HPCAL1: variants seen among roughly 807,000 people sequenced by gnomAD.
HPCAL1 encodes hippocalcin like 1.
A neutral mutation model predicts 17.1 loss-of-function variants in HPCAL1; 8 were observed. The ratio of observed to expected loss-of-function variants is 0.47; its 90% CI spans 0.27 to 0.84. The LOEUF is 0.84. Among genes scored for constraint, HPCAL1 ranks in the 40% least tolerant of loss-of-function variants. The pLI, the probability that HPCAL1 is intolerant of heterozygous loss-of-function variation, is 0.13. For synonymous variants in HPCAL1, 112 were observed against 111.4 expected, an observed-to-expected ratio of 1.01 and a Z score of -0.03; for missense variants, 165 against 271.1, an observed-to-expected ratio of 0.61 and a Z score of 2.75.
chr2:10,397,685 G>A (rs1403256591), intron 2 of HPCAL1, among the ~76,000 whole-genome samples: 2 of 152,172 alleles, frequency 1.3e-5, no homozygotes, highest in South Asian at 2.1e-4. Flanking sequence ...AGCTAACTCC[G>A]TGAGCTCGGG....
chr2:10,349,275 CA>C (rs1381379499), intron 1 of HPCAL1, among the ~76,000 whole-genome samples: 1 of 152,012 alleles, frequency 6.6e-6, no homozygotes, highest in Non-Finnish European at 1.5e-5. Context: ...AAGAAGGAGA[CA>C]AAAAATAATA....
intron 1 of HPCAL1, among the ~76,000 whole-genome samples, chr2:10,334,083 G>A (rs563416068): frequency 6.6e-6 from 1 of 152,312 alleles, no homozygotes; most frequent in East Asian, 1.9e-4. Context: ...GTGACCAATA[G>A]CCACTCTGCG....
At chr2:10,328,797 C>T (rs1263223215) in intron 1 of HPCAL1, among the ~76,000 whole-genome samples, 1 of 152,046 alleles carries the variant, frequency 6.6e-6, no homozygotes, top group Non-Finnish European at 1.5e-5. Flanking sequence ...AGAACCCTGA[C>T]TAATACTTCC....
rs939221769 is a variant in HPCAL1, at chr2:10,359,680, A to G, written c.-110-37155A>G. 4.6e-5 allele frequency among the ~76,000 whole-genome samples: 7 copies of G among 152,156 alleles called. No individual in the cohort carries two copies. Among genetic ancestry groups the G allele is most frequent in the African/African-American group, 1.7e-4 (7 of 41,440 alleles). On this transcript the variant is annotated intron_variant, in intron 1 of 4. Transcript: ENST00000307845. The surrounding 1 kb of genome is among the most constrained non-coding windows in gnomAD (Gnocchi z 4.1). ...CTCAGTGGCTGGCGGTCCCACCTCC[A>G]AATGCAGGCAGACCACACTCCCTGA...
chr2:10,380,398 G>A (rs2125536345), intron 1 of HPCAL1, among the ~76,000 whole-genome samples: 1 of 152,250 alleles, frequency 6.6e-6, no homozygotes, highest in East Asian at 1.9e-4. Context: ...GGTGTGCGCT[G>A]CTTGTGTTGT....
At chr2:10,399,259 C>CCGCTG (rs1669303655) in intron 2 of HPCAL1, among the ~76,000 whole-genome samples, 1 of 66,880 alleles carries the variant, frequency 1.5e-5, no homozygotes, top group African/African-American at 5.1e-5. Flanking sequence ...ACCACCACCA[C>CCGCTG]CATCACCACC....
intron 1 of HPCAL1, among the ~76,000 whole-genome samples, chr2:10,383,233 G>A (rs999563134): frequency 3.9e-4 from 59 of 152,176 alleles, no homozygotes; most frequent in Non-Finnish European, 2.1e-4. Context: ...CTAGCCTGGC[G>A]TGGTGTCATG....
rs780522506 is a variant in HPCAL1 at position 10,330,807 on chromosome 2, C to T, written c.-111+27630C>T. 2.6e-5 allele frequency among the ~76,000 whole-genome samples: 4 copies of T among 152,214 alleles called. No homozygotes were observed. The highest frequency in any genetic ancestry group is 6.5e-5 in the Admixed American group (1 of 15,284). On this transcript the variant is annotated intron_variant, in intron 1 of 4. Transcript: ENST00000307845. This position sits in a 1 kb window ranked among gnomAD's most constrained non-coding sequence, Gnocchi z 4.2. ...TCCACGTTAACTCACTTCCTGCCCA[C>T]GGCAGGGGCTCTCTGTCAGTGTGTC...
Position 10,324,159 on chromosome 2 carries a change from C to T in HPCAL1, c.-111+20982C>T, listed in dbSNP as rs912626045. ...CCCAGACATTTCCTTATGTAAAAGC[C>T]AATTAAAATAAATTAAATGCAAATA... On this transcript the variant is annotated intron_variant, in intron 1 of 4. Coordinates refer to ENST00000307845, the MANE Select transcript of HPCAL1 (RefSeq NM_002149.4). 2.6e-5 allele frequency among the ~76,000 whole-genome samples: 4 copies of T among 152,200 alleles called. No individual in the cohort carries two copies. The East Asian group carries it at 7.7e-4, about 29-fold the overall frequency.
chr2:10,319,837 A>T (rs1296183385), intron 1 of HPCAL1, among the ~76,000 whole-genome samples: 3 of 151,952 alleles, frequency 2.0e-5, no homozygotes, highest in Admixed American at 1.3e-4. Context: ...ATCCTCAGGG[A>T]TTCGTTTCCC....
chr2:10,338,623 A>T (rs777853133), intron 1 of HPCAL1, among the ~76,000 whole-genome samples: 18 of 152,202 alleles, frequency 1.2e-4, no homozygotes, highest in Non-Finnish European at 2.5e-4. Flanking sequence ...GTATGAAGTC[A>T]GTAAGCCACA....
At position 10,395,189 on chromosome 2, in the gene HPCAL1, G is replaced by A. The variant is rs890094834; in HGVS notation, c.-110-1646G>A. On this transcript the variant is annotated intron_variant, in intron 1 of 4. Coordinates refer to ENST00000307845, the MANE Select transcript of HPCAL1 (RefSeq NM_002149.4). This position sits in a 1 kb window ranked among gnomAD's most constrained non-coding sequence, Gnocchi z 4.4. The stretch of plus-strand genomic sequence containing the variant: ...ATCTTAAAAGCATAGGGACCTTGCA[G>A]TGAGAATTTCTGGTGGGAAGATGTA... Among the ~76,000 whole-genome samples, 3 of 151,692 alleles carry A rather than the reference G, an allele frequency of 2.0e-5. No individual in the cohort carries two copies. The highest frequency in any genetic ancestry group is 4.4e-5 in the Non-Finnish European group (3 of 67,984).
At position 10,394,526 on chromosome 2, in the gene HPCAL1, C is replaced by G. The variant is rs4669582; in HGVS notation, c.-110-2309C>G. 5.5e-3 allele frequency among the ~76,000 whole-genome samples: 833 copies of G among 152,274 alleles called. 7 individuals are homozygous for G. Among genetic ancestry groups the G allele is most frequent in the African/African-American group, 0.019 (804 of 41,558 alleles). On this transcript the variant is annotated intron_variant, in intron 1 of 4. Coordinates refer to ENST00000307845, the MANE Select transcript of HPCAL1 (RefSeq NM_002149.4). The surrounding 1 kb of genome is among the most constrained non-coding windows in gnomAD (Gnocchi z 5.0). ...AGAGCACAGAGGGGCTTTAGGGCAGCGAGCCCGCGCTATGTGATGCTGTAA... is the reference window on the plus strand; with the variant it reads ...AGAGCACAGAGGGGCTTTAGGGCAGGGAGCCCGCGCTATGTGATGCTGTAA...
intron 1 of HPCAL1, among the ~76,000 whole-genome samples, chr2:10,392,435 A>G (rs1159452684): frequency 6.6e-6 from 1 of 152,118 alleles, no homozygotes; most frequent in African/African-American, 2.4e-5. Context: ...TACTAATTCA[A>G]TCTCTTCACG....
chr2:10,424,741 G>A, intron 4 of HPCAL1: 1 of 427,486 alleles, frequency 2.3e-6, no homozygotes, highest in Non-Finnish European at 4.9e-6. Flanking sequence ...GTGATACCAG[G>A]AAGGTGGGGC....
At chr2:10,387,154 TC>T (rs1486389982) in intron 1 of HPCAL1, among the ~76,000 whole-genome samples, 2 of 152,234 alleles carry the variant, frequency 1.3e-5, no homozygotes, top group Non-Finnish European at 2.9e-5. Flanking sequence ...AGTCAAGGGC[TC>T]CTGAGGGGAC....
intron 2 of HPCAL1, among the ~76,000 whole-genome samples, chr2:10,397,373 T>G (rs1406411061): frequency 1.3e-5 from 2 of 152,046 alleles, no homozygotes; most frequent in African/African-American, 4.8e-5. Context: ...CTGTGCATGG[T>G]CAGGGCCACT....
intron 1 of HPCAL1, among the ~76,000 whole-genome samples, chr2:10,383,032 C>T (rs895331188): frequency 2.6e-5 from 4 of 152,178 alleles, no homozygotes; most frequent in African/African-American, 9.6e-5. Context: ...GGGAATGAGG[C>T]GTGGTTTAAT....
At chr2:10,361,227 G>A (rs1318562094) in intron 1 of HPCAL1, among the ~76,000 whole-genome samples, 1 of 147,034 alleles carries the variant, frequency 6.8e-6, no homozygotes, top group Non-Finnish European at 1.5e-5. Context: ...CCAAGCAATG[G>A]TTGTAGAGGG....
Sources: allele counts gnomAD v4.1 joint callset (sites outside exome capture counted in the v4.1 genomes callset), GRCh38; gene constraint gnomAD v4.1.1; non-coding constraint Gnocchi (gnomAD v3.1); transcripts MANE v1.5; gene names NCBI Gene and HGNC (gene_info 2026-07-23, HGNC 2026-07-21).